EFCAB6: variants seen among roughly 807,000 people sequenced by gnomAD.
EFCAB6 encodes EF-hand calcium binding domain 6, also known as EF-hand calcium-binding domain-containing protein 6.
A neutral mutation model predicts 169.8 loss-of-function variants in EFCAB6; 156 were observed. The observed-to-expected ratio is 0.92, with a 90% confidence interval of 0.81 to 1.05. The LOEUF (loss-of-function observed/expected upper bound fraction) is 1.05. EFCAB6 is among the 50% of genes least tolerant of loss of function. EFCAB6 has a pLI of 0.00. For synonymous variants in EFCAB6, 698 were observed against 676.4 expected (o/e 1.03, Z -0.50); for missense variants, 1,800 against 1,829.1 (o/e 0.98, Z 0.29).
chr22:43,543,951 C>T (rs1462037213), intron 27 of EFCAB6, among the ~76,000 whole-genome samples: 1 of 152,072 alleles, frequency 6.6e-6, no homozygotes, highest in Non-Finnish European at 1.5e-5. Context: ...TGTCTTCACC[C>T]CTCCTCCTTG....
intron 13 of EFCAB6, among the ~76,000 whole-genome samples, chr22:43,673,729 G>A (rs112995058): frequency 0.12 from 17,858 of 152,166 alleles, 1,137 homozygotes; most frequent in South Asian, 0.18. Flanking sequence ...GCAGTGAGCC[G>A]AGGTCATGTC....
chr22:43,622,531 A>T (rs575308447), intron 20 of EFCAB6, among the ~76,000 whole-genome samples: 1 of 152,286 alleles, frequency 6.6e-6, no homozygotes, highest in Non-Finnish European at 1.5e-5. Flanking sequence ...GCACCATTGC[A>T]CTCCAGCCCG....
chr22:43,784,666 T>C (rs1313872091), intron 2 of EFCAB6, among the ~76,000 whole-genome samples: 21 of 60,414 alleles, frequency 3.5e-4, no homozygotes, highest in Admixed American at 1.1e-3. Context: ...TATATATACA[T>C]ATACATATAT....
At chr22:43,578,519 G>A (rs1199311472) in intron 25 of EFCAB6, among the ~76,000 whole-genome samples, 2 of 151,992 alleles carry the variant, frequency 1.3e-5, no homozygotes, top group East Asian at 3.9e-4. Context: ...CCTTCTTGAC[G>A]CTGACACACA....
intron 3 of EFCAB6, among the ~76,000 whole-genome samples, chr22:43,775,346 G>A (rs116224117): frequency 1.1e-3 from 175 of 152,228 alleles, no homozygotes; most frequent in African/African-American, 4.1e-3. Flanking sequence ...GAATCCGGTG[G>A]GCCCATGACT....
At chr22:43,659,962 C>T (rs1316935436) in intron 17 of EFCAB6, among the ~76,000 whole-genome samples, 1 of 152,172 alleles carries the variant, frequency 6.6e-6, no homozygotes, top group Non-Finnish European at 1.5e-5. Flanking sequence ...GACTCCAGCT[C>T]CCTACTGCAT....
At chr22:43,657,428 TA>T (rs149040997) in intron 17 of EFCAB6, among the ~76,000 whole-genome samples, 18 of 145,822 alleles carry the variant, frequency 1.2e-4, no homozygotes, top group East Asian at 2.0e-4. Context: ...AATCAATCAT[TA>T]AAAAAAAAAC....
intron 11 of EFCAB6, among the ~76,000 whole-genome samples, 189 bp downstream of exon 11, chr22:43,687,282 A>C (rs2058232958): frequency 6.6e-6 from 1 of 152,188 alleles, no homozygotes; most frequent in Admixed American, 6.5e-5. Context: ...TACCAACCTT[A>C]TAGTTTAAGG....
intron 17 of EFCAB6, among the ~76,000 whole-genome samples, chr22:43,656,322 G>A (rs1025554964): frequency 1.8e-4 from 27 of 151,900 alleles, no homozygotes; most frequent in Non-Finnish European, 1.5e-5. Context: ...CCCAGGAGGC[G>A]GAGATTTGCA....
chr22:43,651,362 T>C (rs1271834573), intron 17 of EFCAB6, among the ~76,000 whole-genome samples: 1 of 152,242 alleles, frequency 6.6e-6, no homozygotes, highest in African/African-American at 2.4e-5. Context: ...CCACATGGTG[T>C]TGAGCCTGTG....
chr22:43,568,599 CG>C (rs1456917334), intron 26 of EFCAB6, among the ~76,000 whole-genome samples: 1 of 152,052 alleles, frequency 6.6e-6, no homozygotes, highest in Non-Finnish European at 1.5e-5. Flanking sequence ...GGGAATGAGG[CG>C]GGAGTGCTCT....
In EFCAB6 at chr22:43,744,818, G is replaced by A. The variant is rs1200769716; in HGVS notation, c.508-8825C>T. ...CCCTCATCACAGACCCCATGATCTG[G>A]GGGAGAGAGGAAGCAGAAAGAAGGA... On this transcript the variant is annotated intron_variant, in intron 6 of 31. Coordinates refer to ENST00000262726, the MANE Select transcript of EFCAB6 (RefSeq NM_022785.4). The surrounding 1 kb of genome is among the most constrained non-coding windows in gnomAD (Gnocchi z 4.3). Among the ~76,000 whole-genome samples, 22 of 152,172 alleles carry A rather than the reference G, an allele frequency of 1.4e-4. No homozygotes were observed. Among genetic ancestry groups the A allele is most frequent in the Non-Finnish European group, 1.2e-4 (8 of 68,028 alleles).
intron 22 of EFCAB6, among the ~76,000 whole-genome samples, chr22:43,605,583 C>T (rs1312719320): frequency 2.9e-4 from 2 of 7,016 alleles, no homozygotes; most frequent in African/African-American, 1.3e-3. Context: ...GCGGAGGTTG[C>T]AGTGAGCTGA....
At chr22:43,653,328 A>C (rs1245390636) in intron 17 of EFCAB6, among the ~76,000 whole-genome samples, 1 of 151,534 alleles carries the variant, frequency 6.6e-6, no homozygotes, top group African/African-American at 2.5e-5. Context: ...TGCTAGAGAA[A>C]AAAAAGACAC....
chr22:43,543,017 T>C (rs1016676213), intron 27 of EFCAB6, among the ~76,000 whole-genome samples: 2 of 152,124 alleles, frequency 1.3e-5, no homozygotes, highest in Non-Finnish European at 2.9e-5. Flanking sequence ...CTGCTTACGA[T>C]GTAGAAAAGT....
chr22:43,611,038 G>A (rs2053263622), intron 21 of EFCAB6, among the ~76,000 whole-genome samples: 2 of 152,144 alleles, frequency 1.3e-5, no homozygotes, highest in Non-Finnish European at 2.9e-5. Context: ...GAAGTGGAGG[G>A]AATAATTCCT....
chr22:43,545,181 T>G (rs2047980927), intron 27 of EFCAB6, among the ~76,000 whole-genome samples: 2 of 152,242 alleles, frequency 1.3e-5, no homozygotes, highest in South Asian at 4.2e-4. Context: ...CATGTCTGAA[T>G]TCAGACATGA....
intron 10 of EFCAB6, among the ~76,000 whole-genome samples, chr22:43,703,659 C>T (rs1403207298): frequency 6.6e-6 from 1 of 150,778 alleles, no homozygotes; most frequent in African/African-American, 2.4e-5. Context: ...GAAATAGAAA[C>T]AATTTTTTTA....
intron 10 of EFCAB6, among the ~76,000 whole-genome samples, chr22:43,710,756 T>C (rs2059130743): frequency 6.6e-6 from 1 of 152,138 alleles, no homozygotes. Context: ...TATATATGTT[T>C]GCCACCACCT....
Sources: allele counts gnomAD v4.1 joint callset (sites outside exome capture counted in the v4.1 genomes callset), GRCh38; gene constraint gnomAD v4.1.1; non-coding constraint Gnocchi (gnomAD v3.1); transcripts MANE v1.5; gene names NCBI Gene and HGNC (gene_info 2026-07-23, HGNC 2026-07-21).